PCDHB16: variants seen among roughly 807,000 people sequenced by gnomAD.
PCDHB16 encodes protocadherin beta 16.
For synonymous variants in PCDHB16, 444 were observed against 436.5 expected, an observed-to-expected ratio of 1.02 and a Z score of -0.21; for missense variants, 1,026 against 989.9, an observed-to-expected ratio of 1.04 and a Z score of -0.49.
rs1753693420 is a variant in PCDHB16 at position 141,185,209 on chromosome 5, C to G, written c.*319C>G. Reference sequence around the variant, plus strand: ...CTTTATATTTTATTTACTTCCTATTCATTTTTTGCTCCATTTTTCATGTTA... The same window carrying G: ...CTTTATATTTTATTTACTTCCTATTGATTTTTTGCTCCATTTTTCATGTTA... On this transcript the variant is annotated 3_prime_UTR_variant, in exon 1 of 1. Coordinates refer to ENST00000609684, the MANE Select transcript of PCDHB16 (RefSeq NM_020957.4). The G allele has an allele frequency of 9.5e-7, 1 of 1,052,326 alleles. No individual in the cohort carries two copies. Among genetic ancestry groups the G allele is most frequent in the Non-Finnish European group, 1.2e-6 (1 of 857,548 alleles). The allele number at this position is 1,052,326 out of a possible 1,614,324, so 65.2% of individuals were successfully genotyped here.
rs1753587375 is a variant in PCDHB16, at chr5:141,182,467, T to A, written c.-93T>A. On this transcript the variant is annotated 5_prime_UTR_variant, in exon 1 of 1. Coordinates refer to ENST00000609684, the MANE Select transcript of PCDHB16 (RefSeq NM_020957.4). ...AAACCTCTTTAAGACACCGTTGGGC[T>A]GCTTGGTTCTGACATTCTGGACTGC... 1 of 1,123,380 alleles carries A rather than the reference T, an allele frequency of 8.9e-7. No homozygotes were observed. 69.6% of individuals were successfully genotyped at this position (1,123,380 alleles called of 1,614,324 possible).
Position 141,183,245 on chromosome 5 carries a change from G to T in PCDHB16, c.686G>T (p.Arg229Leu). 6.2e-7 allele frequency: 1 copy of T among 1,614,180 alleles called. No individual in the cohort carries two copies. Among genetic ancestry groups the T allele is most frequent in the Non-Finnish European group, 8.5e-7 (1 of 1,180,040 alleles). ...SPPRSGTAQV[R>L]IEVVDINDNA... ...CCGCGATCTGGAACTGCTCAGGTCC[G>T]TATTGAAGTGGTGGACATCAATGAT... The change falls in exon 1 of 1, where the codon CGT becomes CTT. Residue 229 changes from arginine (R) to leucine (L), a missense_variant. Coordinates refer to ENST00000609684, the MANE Select transcript of PCDHB16 (RefSeq NM_020957.4).
At position 141,185,536 on chromosome 5, in the gene PCDHB16, A is replaced by ACCT. The variant is rs1234782498; in HGVS notation, c.*646_*647insCCT. ...ACGGATCCTTCCACCTCAGCCTCCC[A>ACCT]AGTAGCTTGGACTATAGGTGCATGC... is the stretch of plus-strand genomic sequence containing the variant. On this transcript the variant is annotated 3_prime_UTR_variant, in exon 1 of 1. Coordinates refer to ENST00000609684, the MANE Select transcript of PCDHB16 (RefSeq NM_020957.4). 2 of 334,968 alleles carry ACCT rather than the reference A, an allele frequency of 6.0e-6. No individual in the cohort carries two copies. The highest frequency in any genetic ancestry group is 8.5e-6 in the Non-Finnish European group (2 of 235,222). The allele number at this position is 334,968 out of a possible 1,614,324, so 20.7% of individuals were successfully genotyped here.
At position 141,183,452 on chromosome 5, in the gene PCDHB16, CA is replaced by C; in HGVS notation, c.894del (p.Glu300LysfsTer4). ...ISKTLEVNPM[T>X]GEVRLRKQVD... Reference sequence around the variant, plus strand: ...AAAACTTTGGAGGTAAATCCTATGACAGGGGAAGTTCGACTGAGAAAGCAAG... The same window carrying C: ...AAAACTTTGGAGGTAAATCCTATGACGGGGAAGTTCGACTGAGAAAGCAAG... On this transcript the variant is annotated frameshift_variant, in exon 1 of 1. Transcript: ENST00000609684. LOFTEE classifies it low-confidence loss of function (END_TRUNC). 2 of 1,614,134 alleles carry C rather than the reference CA, an allele frequency of 1.2e-6. No homozygotes were observed. The highest frequency in any genetic ancestry group is 1.7e-6 in the Non-Finnish European group (2 of 1,180,042).
rs782542356 is a variant in PCDHB16 at position 141,184,589 on chromosome 5, C to A, written c.2030C>A (p.Ala677Asp). The stretch of plus-strand genomic sequence containing the variant: ...CCCTTCCTGCCGCTCCCAGAGGCGG[C>A]CCCCGGCCAGACCCAGGCCAACTCG... ...SQPFLPLPEA[A>D]PGQTQANSLT... is the part of the protein sequence containing the mutation. The change falls in exon 1 of 1, where the codon GCC becomes GAC. Residue 677 changes from alanine to aspartate, a missense_variant. Ala to Asp is a moderately radical substitution (Grantham distance 126, BLOSUM62 -2). Transcript: ENST00000609684. The A allele has an allele frequency of 8.1e-6, 13 of 1,612,172 alleles. No homozygotes were observed. The highest frequency in any genetic ancestry group is 1.8e-4 in the Middle Eastern group (1 of 5,554).
Position 141,183,233 on chromosome 5 carries a change from C to A in PCDHB16, c.674C>A (p.Thr225Asn). ...GGTGGCTCTCCACCGCGATCTGGAA[C>A]TGCTCAGGTCCGTATTGAAGTGGTG... ...LDGGSPPRSGTAQVRIEVVDI... is the reference protein window; with the variant it reads ...LDGGSPPRSGNAQVRIEVVDI... Residue 225 changes from threonine (T) to asparagine (N), a missense_variant, in exon 1 of 1, where the codon ACT becomes AAT. Coordinates refer to ENST00000609684, the MANE Select transcript of PCDHB16 (RefSeq NM_020957.4). 2 of 1,614,216 alleles carry A rather than the reference C, an allele frequency of 1.2e-6. No individual in the cohort carries two copies. Among genetic ancestry groups the A allele is most frequent in the Non-Finnish European group, 1.7e-6 (2 of 1,180,046 alleles).
At position 141,185,640 on chromosome 5, in the gene PCDHB16, C is replaced by G; in HGVS notation, c.*750C>G. ...CTGATCTTGAACTCCTGGGCTCAAGCCATCCTCCCTCCTCAGCCTCCCAAA... is the reference window on the plus strand; with the variant it reads ...CTGATCTTGAACTCCTGGGCTCAAGGCATCCTCCCTCCTCAGCCTCCCAAA... On this transcript the variant is annotated 3_prime_UTR_variant, in exon 1 of 1. Transcript: ENST00000609684. 1 of 764,596 alleles carries G rather than the reference C, an allele frequency of 1.3e-6. No homozygotes were observed. Among genetic ancestry groups the G allele is most frequent in the African/African-American group, 1.9e-5 (1 of 52,602 alleles). The allele number at this position is 764,596 out of a possible 1,614,324, so 47.4% of individuals were successfully genotyped here. A position where few individuals can be genotyped will look rare whatever the true frequency, so the allele number is the denominator to read the frequency against.
chr5:141,185,084 C>T lies in PCDHB16; in HGVS notation c.*194C>T, dbSNP rs2149662546. ...AAATTATATTGTTAATTCCAGTTTC[C>T]CTTTTCCTCATATTTACCCCGAAGA... is the stretch of plus-strand genomic sequence containing the variant. On this transcript the variant is annotated 3_prime_UTR_variant, in exon 1 of 1. Coordinates refer to ENST00000609684, the MANE Select transcript of PCDHB16 (RefSeq NM_020957.4). The T allele has an allele frequency of 1.4e-6, 2 of 1,415,746 alleles. No homozygotes were observed. The highest frequency in any genetic ancestry group is 3.2e-5 in the Admixed American group (1 of 30,934). The allele number at this position is 1,415,746 out of a possible 1,614,324, so 87.7% of individuals were successfully genotyped here.
In PCDHB16 at chr5:141,185,701, C is replaced by T. The variant is rs2149663106; in HGVS notation, c.*811C>T. ...TACAGGCATAAGCCAATGTGCCCAT[C>T]CAAAGTTTTATTTATTTATTTTTTT... On this transcript the variant is annotated 3_prime_UTR_variant, in exon 1 of 1. Transcript: ENST00000609684. The T allele has an allele frequency of 1.0e-6, 1 of 996,610 alleles. No homozygotes were observed. Among genetic ancestry groups the T allele is most frequent in the Admixed American group, 6.1e-5 (1 of 16,274 alleles). The allele number at this position is 996,610 out of a possible 1,614,324, so 61.7% of individuals were successfully genotyped here.
rs558184792 is a variant in PCDHB16 at position 141,182,412 on chromosome 5, A to G, written c.-148A>G. ...GTTTCCCAAAGCCTGGAAGCAGAAGAATAGCTGAGCCAGAGCGAACGTGAG... is the reference window on the plus strand; with the variant it reads ...GTTTCCCAAAGCCTGGAAGCAGAAGGATAGCTGAGCCAGAGCGAACGTGAG... On this transcript the variant is annotated 5_prime_UTR_variant, in exon 1 of 1. Coordinates refer to ENST00000609684, the MANE Select transcript of PCDHB16 (RefSeq NM_020957.4). The G allele has an allele frequency of 1.6e-6, 1 of 616,056 alleles. No homozygotes were observed. The highest frequency in any genetic ancestry group is 1.9e-5 in the African/African-American group (1 of 53,800). The allele number at this position is 616,056 out of a possible 1,614,324, so 38.2% of individuals were successfully genotyped here.
In PCDHB16 at chr5:141,185,902, T is replaced by C. The variant is rs1554282594; in HGVS notation, c.*1012T>C. On this transcript the variant is annotated 3_prime_UTR_variant, in exon 1 of 1. Transcript: ENST00000609684. Reference sequence around the variant, plus strand: ...AGACATTCAGTATGTGTAAATGTGTTTGTGTTTGTAGACAAAAGGCAAAGG... The same window carrying C: ...AGACATTCAGTATGTGTAAATGTGTCTGTGTTTGTAGACAAAAGGCAAAGG... 1 of 985,112 alleles carries C rather than the reference T, an allele frequency of 1.0e-6. No homozygotes were observed. The highest frequency in any genetic ancestry group is 1.2e-6 in the Non-Finnish European group (1 of 816,342). 61.0% of individuals were successfully genotyped at this position (985,112 alleles called of 1,614,324 possible).
In PCDHB16 at chr5:141,182,523, A is replaced by G; in HGVS notation, c.-37A>G. 8.7e-6 allele frequency: 13 copies of G among 1,500,520 alleles called. No homozygotes were observed. Among genetic ancestry groups the G allele is most frequent in the Non-Finnish European group, 1.2e-5 (13 of 1,122,208 alleles). The allele number at this position is 1,500,520 out of a possible 1,614,324, so 93.0% of individuals were successfully genotyped here. A position where few individuals can be genotyped will look rare whatever the true frequency, so the allele number is the denominator to read the frequency against. On this transcript the variant is annotated 5_prime_UTR_variant, in exon 1 of 1. It removes an upstream start codon present in the reference 5' UTR. Coordinates refer to ENST00000609684, the MANE Select transcript of PCDHB16 (RefSeq NM_020957.4). ...AGTTCTACTAGGATCCTGGGGATAC[A>G]TGAAGCTTCTGTGAACCAACTTTTC... is the stretch of plus-strand genomic sequence containing the variant.
chr5:141,183,911 T>C lies in PCDHB16; in HGVS notation c.1352T>C (p.Phe451Ser), dbSNP rs782569960. ...GATGTCAATGATAACGCCCCCACTT[T>C]CACCCAAACCTCCTACACCCTGTTC... ...ISDVNDNAPT[F>S]TQTSYTLFVR... Residue 451 changes from phenylalanine (F) to serine (S), a missense_variant, in exon 1 of 1, where the codon TTC becomes TCC. Physicochemically the swap from Phe to Ser is radical, Grantham distance 155 (BLOSUM62 -2). Coordinates refer to ENST00000609684, the MANE Select transcript of PCDHB16 (RefSeq NM_020957.4). The C allele has an allele frequency of 6.2e-7, 1 of 1,613,956 alleles. No homozygotes were observed. The highest frequency in any genetic ancestry group is 8.5e-7 in the Non-Finnish European group (1 of 1,180,022).
rs782725645 is a variant in PCDHB16 at position 141,184,392 on chromosome 5, G to A, written c.1833G>A (p.Glu611=). The A allele has an allele frequency of 4.4e-6, 7 of 1,606,018 alleles. No individual in the cohort carries two copies. Among genetic ancestry groups the A allele is most frequent in the Non-Finnish European group, 5.9e-6 (7 of 1,179,434 alleles). The change falls in exon 1 of 1, where the codon GAG becomes GAA. Residue 611 remains glutamate (E), a synonymous_variant. Transcript: ENST00000609684. ...WLSYQLLKAT[E]PGLFGVWAHN... ...CGTACCAGCTGCTCAAGGCCACGGA[G>A]CCCGGGCTGTTCGGTGTGTGGGCGC...
Position 141,183,686 on chromosome 5 carries a change from G to A in PCDHB16, c.1127G>A (p.Gly376Glu). The change falls in exon 1 of 1, where the codon GGA (glycine) becomes GAA (glutamate). Residue 376 changes from glycine to glutamate, a missense_variant. Coordinates refer to ENST00000609684, the MANE Select transcript of PCDHB16 (RefSeq NM_020957.4). ...TTCAGCGTTTCAGATCCTGACTCCG[G>A]AAACAATGGGAAGACGATTTCCTCC... ...AVFSVSDPDS[G>E]NNGKTISSIQ... 1.1e-5 allele frequency: 18 copies of A among 1,614,136 alleles called. No homozygotes were observed. Among genetic ancestry groups the A allele is most frequent in the Non-Finnish European group, 1.5e-5 (18 of 1,180,040 alleles).
In PCDHB16 at chr5:141,184,643, C is replaced by T. The variant is rs1174687381; in HGVS notation, c.2084C>T (p.Ala695Val). The change falls in exon 1 of 1, where the codon GCC (alanine) becomes GTC (valine). Residue 695 changes from alanine to valine, a missense_variant. Ala to Val is a moderately conservative substitution (Grantham distance 64, BLOSUM62 0). Coordinates refer to ENST00000609684, the MANE Select transcript of PCDHB16 (RefSeq NM_020957.4). ...SLTVYLVVAL[A>V]SVSSLFLFSV... is the part of the protein sequence containing the mutation. ...ACTGTCTACCTGGTGGTGGCGTTGG[C>T]CTCGGTGTCGTCGCTCTTCCTCTTT... The T allele has an allele frequency of 6.2e-7, 1 of 1,612,200 alleles. No individual in the cohort carries two copies. The highest frequency in any genetic ancestry group is 8.5e-7 in the Non-Finnish European group (1 of 1,179,364).
In PCDHB16 at chr5:141,184,387, A is replaced by C; in HGVS notation, c.1828A>C (p.Thr610Pro). The change falls in exon 1 of 1, where the codon ACG becomes CCG. Residue 610 changes from threonine to proline, a missense_variant. By Grantham distance (38) the Thr-to-Pro change is conservative (BLOSUM62 -1). Transcript: ENST00000609684. ...AWLSYQLLKA[T>P]EPGLFGVWAH... ...GCTGTCGTACCAGCTGCTCAAGGCC[A>C]CGGAGCCCGGGCTGTTCGGTGTGTG... The C allele has an allele frequency of 6.2e-7, 1 of 1,605,774 alleles. No homozygotes were observed.
At position 141,186,006 on chromosome 5, in the gene PCDHB16, G is replaced by A; in HGVS notation, c.*1116G>A. On this transcript the variant is annotated 3_prime_UTR_variant, in exon 1 of 1. Transcript: ENST00000609684. ...CAGAGGTCCCTGTTATATTTTTAAT[G>A]GCTAACAACTCAATCTCATTAAGTT... 1.0e-6 allele frequency: 1 copy of A among 974,688 alleles called. No individual in the cohort carries two copies. Among genetic ancestry groups the A allele is most frequent in the Non-Finnish European group, 1.2e-6 (1 of 806,986 alleles). The allele number at this position is 974,688 out of a possible 1,614,324, so 60.4% of individuals were successfully genotyped here.
chr5:141,182,696 C>A lies in PCDHB16; in HGVS notation c.137C>A (p.Ala46Glu). 6.2e-7 allele frequency: 1 copy of A among 1,609,926 alleles called. No individual in the cohort carries two copies. Among genetic ancestry groups the A allele is most frequent in the African/African-American group, 1.3e-5 (1 of 74,822 alleles). Residue 46 changes from alanine (A) to glutamate (E), a missense_variant, in exon 1 of 1, where the codon GCA (alanine) becomes GAA (glutamate). Coordinates refer to ENST00000609684, the MANE Select transcript of PCDHB16 (RefSeq NM_020957.4). The stretch of plus-strand genomic sequence containing the variant: ...GAAACGGAGAGAGGCTCTTTTGTGG[C>A]AAATCTAGGAAAAGACCTGGGGTTG... Reference protein sequence around the residue: ...VEETERGSFVANLGKDLGLGL... With the variant: ...VEETERGSFVENLGKDLGLGL...
Sources: allele counts gnomAD v4.1 joint callset, GRCh38; gene constraint gnomAD v4.1.1; transcripts MANE v1.5; gene names NCBI Gene and HGNC (gene_info 2026-07-23, HGNC 2026-07-21).